SNX1: variants seen among roughly 807,000 people sequenced by gnomAD.
SNX1 encodes sorting nexin 1, also known as sorting nexin-1.
Under a neutral mutation model 71.8 loss-of-function variants are expected in SNX1, and 36 were observed. The observed-to-expected ratio is 0.50, with a 90% CI of 0.38 to 0.66. SNX1 has a LOEUF of 0.66. Among genes scored for constraint, SNX1 ranks in the 30% least tolerant of loss-of-function variants. The pLI, the probability that SNX1 is intolerant of heterozygous loss-of-function variation, is 0.00. For missense variants in SNX1, 612 were observed against 646.7 expected (o/e 0.95, Z 0.58); for synonymous variants, 254 against 240.7 (o/e 1.06, Z -0.51).
At chr15:64,118,719 T>A in intron 3 of SNX1, 69 bp from the exon 4 acceptor site, 1 of 1,167,674 alleles carries the variant, frequency 8.6e-7, no homozygotes, top group Non-Finnish European at 1.3e-6. Context: ...GGTATAAGGT[T>A]ATTACAGGGT....
Position 64,143,063 on chromosome 15 carries a change from A to G in SNX1, c.*5445A>G, listed in dbSNP as rs2081430772. On this transcript the variant is annotated 3_prime_UTR_variant, in exon 15 of 15. Transcript: ENST00000559844. ...GAAGCCCATAGACTTCAAGGACATC[A>G]AGCCCCAAGGTGGTGGGATTTTCCC... 1 of 181,626 alleles carries G rather than the reference A, an allele frequency of 5.5e-6. No homozygotes were observed. The highest frequency in any genetic ancestry group is 2.4e-5 in the African/African-American group (1 of 41,906). The allele number at this position is 181,626 out of a possible 1,614,324, so 11.3% of individuals were successfully genotyped here.
chr15:64,098,171 C>T (rs192073416), intron 1 of SNX1, among the ~76,000 whole-genome samples: 24 of 152,174 alleles, frequency 1.6e-4, no homozygotes, highest in African/African-American at 5.3e-4. Context: ...TAATTCTTGC[C>T]GCTAATTTAG....
intron 3 of SNX1, 24 bp downstream of exon 3, chr15:64,118,268 T>C (rs769754503): frequency 1.3e-6 from 2 of 1,599,204 alleles, no homozygotes; most frequent in South Asian, 2.2e-5. Flanking sequence ...CTCTTGGTCT[T>C]ATCGCTTTTA....
intron 1 of SNX1, among the ~76,000 whole-genome samples, chr15:64,102,040 G>T (rs2080967596): frequency 6.6e-6 from 1 of 151,554 alleles, no homozygotes; most frequent in South Asian, 2.1e-4. Flanking sequence ...AACATAAAAA[G>T]AAAAAAAATT....
chr15:64,110,776 A>C (rs2081070465), intron 1 of SNX1, among the ~76,000 whole-genome samples: 1 of 152,182 alleles, frequency 6.6e-6, no homozygotes, highest in Non-Finnish European at 1.5e-5. Context: ...GCAGTATCCC[A>C]TTTGTGTGTG....
intron 7 of SNX1, 25 bp from the exon 8 acceptor site, chr15:64,127,706 C>T (rs1279787683): frequency 6.3e-7 from 1 of 1,589,936 alleles, no homozygotes; most frequent in African/African-American, 1.3e-5. Flanking sequence ...CTCAACTAAC[C>T]AGATGATAAC....
At chr15:64,110,978 T>G (rs1689625408) in intron 1 of SNX1, among the ~76,000 whole-genome samples, 1 of 152,234 alleles carries the variant, frequency 6.6e-6, no homozygotes, top group African/African-American at 2.4e-5. Context: ...TTCTGTTGTT[T>G]TAATCTCCCC....
chr15:64,137,890 A>T lies in SNX1; in HGVS notation c.*272A>T. The T allele has an allele frequency of 7.1e-7, 1 of 1,403,734 alleles. No homozygotes were observed. Among genetic ancestry groups the T allele is most frequent in the Non-Finnish European group, 9.2e-7 (1 of 1,083,402 alleles). 87.0% of individuals were successfully genotyped at this position (1,403,734 alleles called of 1,614,324 possible). A position where few individuals can be genotyped will look rare whatever the true frequency, so the allele number is the denominator to read the frequency against. ...GGGATGGGGTGGAGTATTGATATAAATATATAAATACAAATGTATATTTTT... is the reference window on the plus strand; with the variant it reads ...GGGATGGGGTGGAGTATTGATATAATTATATAAATACAAATGTATATTTTT... On this transcript the variant is annotated 3_prime_UTR_variant, in exon 15 of 15. Coordinates refer to ENST00000559844, the MANE Select transcript of SNX1 (RefSeq NM_003099.5).
At chr15:64,098,869 A>C (rs963348424) in intron 1 of SNX1, among the ~76,000 whole-genome samples, 2 of 152,162 alleles carry the variant, frequency 1.3e-5, no homozygotes, top group Admixed American at 6.5e-5. Flanking sequence ...GTTCTACTGC[A>C]GAAAGCATAA....
intron 8 of SNX1, among the ~76,000 whole-genome samples, chr15:64,128,128 G>C (rs1023839059): frequency 6.6e-6 from 1 of 152,184 alleles, no homozygotes. Flanking sequence ...TTTATGCCAG[G>C]CGGGTCACTG....
chr15:64,099,316 G>A (rs938684658), intron 1 of SNX1, among the ~76,000 whole-genome samples: 17 of 152,134 alleles, frequency 1.1e-4, no homozygotes, highest in Non-Finnish European at 2.5e-4. Context: ...CCTGTAAAGT[G>A]CTTAGAAGAT....
At chr15:64,103,277 A>G (rs1267018999) in intron 1 of SNX1, among the ~76,000 whole-genome samples, 3 of 152,178 alleles carry the variant, frequency 2.0e-5, no homozygotes, top group Admixed American at 1.3e-4. Context: ...AGTAATCTCC[A>G]TACTGTTTTC....
Position 64,134,053 on chromosome 15 carries a change from A to C in SNX1, c.1222-611A>C, listed in dbSNP as rs572917407. On this transcript the variant is annotated intron_variant, in intron 11 of 14. Coordinates refer to ENST00000559844, the MANE Select transcript of SNX1 (RefSeq NM_003099.5). The surrounding 1 kb of genome is among the most constrained non-coding windows in gnomAD (Gnocchi z 4.1). ...GGTGGTTTTAGGTGTTGATTTAAAGATTTGTTAAGCTAACCTTGTGCATTA... is the reference window on the plus strand; with the variant it reads ...GGTGGTTTTAGGTGTTGATTTAAAGCTTTGTTAAGCTAACCTTGTGCATTA... 2 of 152,326 alleles carry C rather than the reference A, an allele frequency of 1.3e-5. No individual in the cohort carries two copies. 9.4% of individuals were successfully genotyped at this position (152,326 alleles called of 1,614,324 possible). A position where few individuals can be genotyped will look rare whatever the true frequency, so the allele number is the denominator to read the frequency against.
intron 2 of SNX1, among the ~76,000 whole-genome samples, chr15:64,115,294 G>A (rs1405114800): frequency 6.6e-6 from 1 of 152,096 alleles, no homozygotes; most frequent in African/African-American, 2.4e-5. Context: ...AGGAACATAA[G>A]GTATCTCTAG....
chr15:64,127,414 T>A (rs2081265013), intron 7 of SNX1, among the ~76,000 whole-genome samples, 162 bp downstream of exon 7: 1 of 152,236 alleles, frequency 6.6e-6, no homozygotes, highest in African/African-American at 2.4e-5. Context: ...AGTCGCTTAT[T>A]TTCCCACCTT....
At chr15:64,127,138 A>G (rs1246583267) in intron 6 of SNX1, 36 bp from the exon 7 acceptor site, 1 of 1,448,284 alleles carries the variant, frequency 6.9e-7, no homozygotes, top group Non-Finnish European at 9.7e-7. Flanking sequence ...CTTCATGATG[A>G]TTTATGGTTA....
intron 1 of SNX1, among the ~76,000 whole-genome samples, chr15:64,102,743 G>A (rs1020456045): frequency 8.4e-6 from 1 of 119,704 alleles, no homozygotes; most frequent in African/African-American, 3.1e-5. Context: ...AGTCCATTTT[G>A]TATATATACC....
At chr15:64,112,731 T>C in intron 2 of SNX1, 47 bp downstream of exon 2, 1 of 1,245,996 alleles carries the variant, frequency 8.0e-7, no homozygotes, top group Non-Finnish European at 1.1e-6. Context: ...TAAATGGCTT[T>C]GTTAAGTTGC....
intron 5 of SNX1, among the ~76,000 whole-genome samples, chr15:64,125,156 C>G (rs1392172697): frequency 1.3e-5 from 2 of 152,114 alleles, no homozygotes; most frequent in African/African-American, 4.8e-5. Context: ...ATTCCAGCAG[C>G]TAATACCCTT....
Sources: gnomAD v4.1 joint callset for allele counts (sites outside exome capture counted in the v4.1 genomes callset) on GRCh38, gnomAD v4.1.1 for gene constraint, Gnocchi (gnomAD v3.1) non-coding constraint, MANE v1.5 for transcripts, NCBI Gene and HGNC (gene_info 2026-07-23, HGNC 2026-07-21) for gene names.